Variants in MEP1A observed in about 807,000 individuals in gnomAD.
The protein encoded by MEP1A is meprin A subunit alpha.
MEP1A carries 68 observed loss-of-function variants against 84.5 expected under a neutral mutation model. The ratio of observed to expected loss-of-function variants is 0.80; its 90% CI spans 0.66 to 0.98. The LOEUF (loss-of-function observed/expected upper bound fraction) is 0.98. Among genes scored for constraint, MEP1A ranks in the 50% least tolerant of loss-of-function variants. MEP1A has a pLI of 0.00. For missense variants in MEP1A, 887 were observed against 919.9 expected, an observed-to-expected ratio of 0.96 and a Z score of 0.46; for synonymous variants, 337 against 336.8, an observed-to-expected ratio of 1.00 and a Z score of -0.01.
At chr6:46,810,931 G>A (rs1473399375) in intron 6 of MEP1A, among the ~76,000 whole-genome samples, 1 of 152,034 alleles carries the variant, frequency 6.6e-6, no homozygotes, top group African/African-American at 2.4e-5. Context: ...TTTTTACTTA[G>A]TCTTGTGTTG....
intron 13 of MEP1A, among the ~76,000 whole-genome samples, chr6:46,836,501 A>C (rs1768221047): frequency 6.6e-6 from 1 of 152,342 alleles, no homozygotes; most frequent in African/African-American, 2.4e-5. Context: ...GGTTTTCTCT[A>C]TACCATTCAC....
chr6:46,833,195 T>C lies in MEP1A; in HGVS notation c.1266T>C (p.Asp422=), dbSNP rs146027704. The part of the protein sequence containing the change: ...PQNSTGGIYL[D]DITLTETPCP... ...ACTCAACTGGGGGAATTTACCTAGA[T>C]GACATCACTCTGACAGAAACCCCCT... Residue 422 remains aspartate (D), a synonymous_variant, in exon 11 of 14, where the codon GAT becomes GAC. Coordinates refer to ENST00000230588, the MANE Select transcript of MEP1A (RefSeq NM_005588.3). 5 of 1,611,676 alleles carry C rather than the reference T, an allele frequency of 3.1e-6. No individual in the cohort carries two copies. The African/African-American group carries it at 4.0e-5, about 13-fold the overall frequency.
intron 5 of MEP1A, among the ~76,000 whole-genome samples, chr6:46,802,753 C>T (rs993505402): frequency 4.6e-5 from 7 of 151,772 alleles, no homozygotes; most frequent in African/African-American, 1.7e-4. Context: ...ATAGTTGTTA[C>T]AGTGTATCAA....
chr6:46,804,952 T>C (rs746629431), intron 5 of MEP1A, among the ~76,000 whole-genome samples: 3 of 151,900 alleles, frequency 2.0e-5, no homozygotes, highest in Non-Finnish European at 2.9e-5. Flanking sequence ...CTCTTTTGAG[T>C]AAGGCTTTGT....
chr6:46,838,963 A>G lies in MEP1A; in HGVS notation c.2085-17A>G. 6.2e-7 allele frequency: 1 copy of G among 1,606,992 alleles called. No individual in the cohort carries two copies. Among genetic ancestry groups the G allele is most frequent in the Non-Finnish European group, 8.5e-7 (1 of 1,175,016 alleles). On this transcript the variant is annotated splice_polypyrimidine_tract_variant and intron_variant, in intron 13 of 13. Coordinates refer to ENST00000230588, the MANE Select transcript of MEP1A (RefSeq NM_005588.3). The stretch of plus-strand genomic sequence containing the variant: ...CCTGGGTAGTTCCCACACTCCCTTC[A>G]TGTCCTTTTCCCTCAGGTGCATCTC...
chr6:46,844,579 A>T (rs562377778), downstream of MEP1A, among the ~76,000 whole-genome samples: 4 of 152,252 alleles, frequency 2.6e-5, no homozygotes, highest in South Asian at 4.1e-4. Flanking sequence ...TAAAGATCCT[A>T]TCTGGTCAAG....
At chr6:46,813,568 A>T (rs886399837) in intron 6 of MEP1A, among the ~76,000 whole-genome samples, 9 of 152,028 alleles carry the variant, frequency 5.9e-5, no homozygotes, top group African/African-American at 2.2e-4. Flanking sequence ...TTGGGGTGTG[A>T]GGTACTATTC....
At position 46,833,187 on chromosome 6, in the gene MEP1A, T is replaced by A. The variant is rs766186999; in HGVS notation, c.1258T>A (p.Tyr420Asn). The A allele has an allele frequency of 6.8e-6, 11 of 1,608,816 alleles. No homozygotes were observed. In the East Asian group the frequency reaches 2.2e-4, roughly 33 times the overall value. The change falls in exon 11 of 14, where the codon TAC becomes AAC. Residue 420 changes from tyrosine (Y) to asparagine (N), a missense_variant. By Grantham distance (143) the Tyr-to-Asn change is moderately radical. Coordinates refer to ENST00000230588, the MANE Select transcript of MEP1A (RefSeq NM_005588.3). ...GDPQNSTGGI[Y>N]LDDITLTETP... Reference sequence around the variant, plus strand: ...CCCTCAGAACTCAACTGGGGGAATTTACCTAGATGACATCACTCTGACAGA... The same window carrying A: ...CCCTCAGAACTCAACTGGGGGAATTAACCTAGATGACATCACTCTGACAGA...
At chr6:46,828,647 G>A (rs1020391226) in intron 9 of MEP1A, among the ~76,000 whole-genome samples, 4 of 152,114 alleles carry the variant, frequency 2.6e-5, no homozygotes, top group Admixed American at 6.5e-5. Flanking sequence ...TTTACCAAAC[G>A]GTACATTTGT....
intron 10 of MEP1A, among the ~76,000 whole-genome samples, chr6:46,832,720 T>C (rs9472885): frequency 0.42 from 64,198 of 151,894 alleles, 13,930 homozygotes; most frequent in African/African-American, 0.5. Flanking sequence ...CTATTTTATA[T>C]GATTCAGCCT....
At chr6:46,814,111 G>T (rs927218988) in intron 6 of MEP1A, among the ~76,000 whole-genome samples, 1 of 152,056 alleles carries the variant, frequency 6.6e-6, no homozygotes, top group African/African-American at 2.4e-5. Context: ...AGCAAGGCTG[G>T]GGAAGTTTTC....
At chr6:46,810,399 T>C (rs1188344653) in intron 6 of MEP1A, among the ~76,000 whole-genome samples, 2 of 152,180 alleles carry the variant, frequency 1.3e-5, no homozygotes, top group Admixed American at 6.5e-5. Flanking sequence ...TGTGAAAATT[T>C]TCTCCCACTC....
At chr6:46,794,379 A>G (rs553242563) in intron 3 of MEP1A, among the ~76,000 whole-genome samples, 4 of 152,324 alleles carry the variant, frequency 2.6e-5, no homozygotes, top group East Asian at 1.9e-4. Flanking sequence ...AAAAGCTTTT[A>G]TATGCAATTG....
Position 46,835,401 on chromosome 6 carries a change from G to A in MEP1A, c.1936G>A (p.Gly646Arg), listed in dbSNP as rs1391874716. Reference protein sequence around the residue: ...EEALPVSLSQGQPSRQKRSVE... With the variant: ...EEALPVSLSQRQPSRQKRSVE... ...AGCCCTACCTGTCAGCCTGAGCCAG[G>A]GGCAGCCCAGCCGACAGAAGCGGTC... The change falls in exon 13 of 14, where the codon GGG becomes AGG. Residue 646 changes from glycine to arginine, a missense_variant. Coordinates refer to ENST00000230588, the MANE Select transcript of MEP1A (RefSeq NM_005588.3). The A allele has an allele frequency of 1.2e-6, 2 of 1,612,228 alleles. No individual in the cohort carries two copies. The highest frequency in any genetic ancestry group is 1.7e-6 in the Non-Finnish European group (2 of 1,179,294).
chr6:46,817,236 G>T (rs3778482), intron 6 of MEP1A, among the ~76,000 whole-genome samples: 63,201 of 152,010 alleles, frequency 0.42, 13,474 homozygotes, highest in African/African-American at 0.49. Context: ...TGAGATTTCA[G>T]ATTTGGATGA....
chr6:46,835,161 C>T, intron 12 of MEP1A, 88 bp from the exon 13 acceptor site: 3 of 1,189,574 alleles, frequency 2.5e-6, no homozygotes, highest in South Asian at 3.0e-5. Context: ...GAGATAGAAG[C>T]AGGCTGGGGA....
chr6:46,797,931 TTTCCTTCCTTCCTTCCTTCC>T (rs70996387), intron 3 of MEP1A, among the ~76,000 whole-genome samples: 2 of 49,602 alleles, frequency 4.0e-5, no homozygotes, highest in Non-Finnish European at 7.7e-5. Context: ...TCCTTCCTTC[TTTCCTTCCTTCCTTCCTTCC>T]TTCCTTCCTT....
intron 12 of MEP1A, 111 bp from the exon 13 acceptor site, chr6:46,835,138 C>G (rs113635744): frequency 4.2e-6 from 4 of 944,036 alleles, no homozygotes; most frequent in African/African-American, 3.4e-5. Flanking sequence ...TTCCATGTCA[C>G]TAGGGGTGAT....
intron 5 of MEP1A, among the ~76,000 whole-genome samples, chr6:46,800,785 G>A (rs943046843): frequency 2.0e-5 from 3 of 152,054 alleles, no homozygotes; most frequent in Admixed American, 6.6e-5. Flanking sequence ...ATTCCATAAA[G>A]TTCCTTTCTA....
Sources: allele counts gnomAD v4.1 joint callset (sites outside exome capture counted in the v4.1 genomes callset), GRCh38; gene constraint gnomAD v4.1.1; transcripts MANE v1.5; gene names NCBI Gene and HGNC (gene_info 2026-07-23, HGNC 2026-07-21).